The following RBFOX1 variants were observed in gnomAD, a reference collection of about 807,000 sequenced individuals.
The protein encoded by RBFOX1 is RNA binding fox-1 homolog 1, also known as RNA binding protein fox-1 homolog 1.
A neutral mutation model predicts 57.7 loss-of-function variants in RBFOX1; 8 were observed. The ratio of observed to expected loss-of-function variants is 0.14; its 90% CI spans 0.08 to 0.25. The LOEUF (loss-of-function observed/expected upper bound fraction) is 0.25. Ranked by LOEUF, RBFOX1 falls within the 10% of genes least tolerant of loss-of-function variation. RBFOX1 has a pLI of 1.00. For missense variants in RBFOX1, 611 were observed against 548.5 expected (o/e 1.11, Z -1.14); for synonymous variants, 326 against 222.4 (o/e 1.47, Z -4.15).
At chr16:7,058,465 A>T (rs1476366329) in intron 4 of RBFOX1, among the ~76,000 whole-genome samples, 8 of 152,162 alleles carry the variant, frequency 5.3e-5, no homozygotes. Flanking sequence ...TAAAATCTAG[A>T]CTTTGCAACT....
chr16:7,057,699 T>C (rs1344857411), intron 4 of RBFOX1, among the ~76,000 whole-genome samples: 2 of 152,120 alleles, frequency 1.3e-5, no homozygotes, highest in Admixed American at 6.5e-5. Flanking sequence ...AAGGAGCCAT[T>C]GCTAGCTGAG....
intron 15 of RBFOX1, 182 bp from the exon 16 acceptor site, chr16:7,710,441 G>C (rs545329639): frequency 7.7e-6 from 11 of 1,422,348 alleles, no homozygotes; most frequent in Non-Finnish European, 1.0e-5. Context: ...TTTAGGAGGA[G>C]CTATTGGGGA....
chr16:7,037,610 A>C (rs984402471), intron 3 of RBFOX1, among the ~76,000 whole-genome samples: 3 of 152,320 alleles, frequency 2.0e-5, no homozygotes, highest in Non-Finnish European at 2.9e-5. Flanking sequence ...GTGAAAAGGC[A>C]CGTTATATAG....
At chr16:5,274,984 G>A (rs1326197522) in intron 1 of RBFOX1, among the ~76,000 whole-genome samples, 3 of 152,208 alleles carry the variant, frequency 2.0e-5, no homozygotes, top group Non-Finnish European at 4.4e-5. Context: ...GATAGCTGAT[G>A]CGAAGCTTGG....
chr16:7,110,255 G>C (rs1223858315), intron 4 of RBFOX1, among the ~76,000 whole-genome samples: 1 of 151,914 alleles, frequency 6.6e-6, no homozygotes, highest in Non-Finnish European at 1.5e-5. Flanking sequence ...AGCTTCTCGG[G>C]GAGGCTGAGG....
intron 4 of RBFOX1, among the ~76,000 whole-genome samples, chr16:7,055,418 G>C (rs1014046799): frequency 1.3e-5 from 2 of 152,178 alleles, no homozygotes; most frequent in South Asian, 4.2e-4. Flanking sequence ...AGGCTTTTTG[G>C]TATCAGGGCA....
chr16:7,393,644 G>C (rs117555822), intron 4 of RBFOX1, among the ~76,000 whole-genome samples: 1 of 152,100 alleles, frequency 6.6e-6, no homozygotes, highest in East Asian at 1.9e-4. Context: ...GCCTCAGCCT[G>C]ATCTTGTAAG....
At chr16:6,126,658 G>A (rs1256329429) in intron 1 of RBFOX1, among the ~76,000 whole-genome samples, 1 of 152,052 alleles carries the variant, frequency 6.6e-6, no homozygotes, top group African/African-American at 2.4e-5. Context: ...GTATATTCTG[G>A]GGGTCTGGCT....
intron 4 of RBFOX1, among the ~76,000 whole-genome samples, chr16:7,388,490 C>G (rs1469688110): frequency 2.0e-5 from 3 of 152,218 alleles, no homozygotes; most frequent in East Asian, 1.9e-4. Context: ...TATCATCTCT[C>G]TGCCCGGGAT....
At chr16:7,308,593 A>G (rs982798414) in intron 4 of RBFOX1, among the ~76,000 whole-genome samples, 12 of 152,188 alleles carry the variant, frequency 7.9e-5, no homozygotes, top group African/African-American at 2.4e-5. Context: ...GGTTTGTTTT[A>G]AGTAGTGAAG....
chr16:6,346,469 G>A (rs1246614507), intron 2 of RBFOX1, among the ~76,000 whole-genome samples: 1 of 151,266 alleles, frequency 6.6e-6, no homozygotes, highest in African/African-American at 2.4e-5. Context: ...AATCCCAGGC[G>A]GCCAAGGGAT....
chr16:5,752,090 TA>T (rs1026688464), intron 3 of RBFOX1, among the ~76,000 whole-genome samples: 17 of 151,788 alleles, frequency 1.1e-4, no homozygotes, highest in Non-Finnish European at 1.3e-4. Context: ...TATCCAGCCA[TA>T]AAAAAAAGAA....
At chr16:6,708,344 C>T (rs1568303009) in intron 3 of RBFOX1, among the ~76,000 whole-genome samples, 1 of 152,060 alleles carries the variant, frequency 6.6e-6, no homozygotes, top group Non-Finnish European at 1.5e-5. Context: ...TCCCAACTAC[C>T]TTGAGACCAT....
chr16:6,495,019 C>T (rs948876758), intron 2 of RBFOX1, among the ~76,000 whole-genome samples: 1 of 152,174 alleles, frequency 6.6e-6, no homozygotes, highest in Non-Finnish European at 1.5e-5. Context: ...AAGTAACTTG[C>T]CCAAGATTAT....
At chr16:7,404,022 C>T (rs1202516084) in intron 4 of RBFOX1, among the ~76,000 whole-genome samples, 2 of 67,656 alleles carry the variant, frequency 3.0e-5, no homozygotes, top group African/African-American at 4.6e-5. Context: ...ATCCTGATTT[C>T]ATTTCCTTTT....
intron 3 of RBFOX1, among the ~76,000 whole-genome samples, chr16:6,678,147 G>A (rs774796658): frequency 1.3e-5 from 2 of 152,106 alleles, no homozygotes; most frequent in Non-Finnish European, 2.9e-5. Flanking sequence ...TGTTTGAGAC[G>A]GAGTCTCGCT....
chr16:5,935,979 G>A (rs376512838), intron 4 of RBFOX1, among the ~76,000 whole-genome samples: 3 of 152,028 alleles, frequency 2.0e-5, no homozygotes, highest in Non-Finnish European at 4.4e-5. Context: ...AAACCTGCAA[G>A]CTCCACTGTA....
intron 3 of RBFOX1, among the ~76,000 whole-genome samples, chr16:6,871,918 TG>T (rs1156441911): frequency 1.0e-4 from 6 of 57,312 alleles, no homozygotes; most frequent in African/African-American, 2.3e-4. Flanking sequence ...AGTCTGTGTG[TG>T]TGTGTGTGTG....
At chr16:7,113,262 C>T (rs780047903) in intron 4 of RBFOX1, among the ~76,000 whole-genome samples, 1 of 152,124 alleles carries the variant, frequency 6.6e-6, no homozygotes, top group East Asian at 1.9e-4. Context: ...AAGAGTGTAC[C>T]TCTGAGTCAT....
Sources: allele counts gnomAD v4.1 joint callset (sites outside exome capture counted in the v4.1 genomes callset), GRCh38; gene constraint gnomAD v4.1.1; transcripts MANE v1.5; gene names NCBI Gene and HGNC (gene_info 2026-07-23, HGNC 2026-07-21).